PLEC: variants seen among roughly 807,000 people sequenced by gnomAD.
PLEC encodes hemidesmosomal protein 1.
In PLEC, 216 loss-of-function variants were observed where a neutral mutation model predicts 392.8. The ratio of observed to expected loss-of-function variants is 0.55; its 90% CI spans 0.49 to 0.62. The LOEUF is 0.62. Ranked by LOEUF, PLEC falls within the 20% of genes least tolerant of loss-of-function variation. The pLI is 0.00. For synonymous variants in PLEC, 3,621 were observed against 2,980.6 expected, an observed-to-expected ratio of 1.21 and a Z score of -7.00; for missense variants, 6,863 against 6,563.4, an observed-to-expected ratio of 1.05 and a Z score of -1.58.
At chr8:143,975,127 G>T (rs1554745578), upstream of PLEC, 1 of 1,579,244 alleles carries the variant, frequency 6.3e-7, no homozygotes, top group Admixed American at 1.7e-5. The surrounding 1 kb of genome is among the most constrained non-coding windows in gnomAD (Gnocchi z 9.9). Context: ...CGGGAACTCA[G>T]TCAACCTCGC....
intron 12 of PLEC, 105 bp from the exon 13 acceptor site, chr8:143,933,456 G>A: frequency 1.5e-6 from 2 of 1,339,780 alleles, no homozygotes; most frequent in Non-Finnish European, 2.1e-6. Flanking sequence ...GCCTCAGTGG[G>A]CCACTGCCTC....
upstream of PLEC, among the ~76,000 whole-genome samples, chr8:143,957,711 C>T (rs1279812094): frequency 1.3e-5 from 2 of 152,222 alleles, no homozygotes; most frequent in African/African-American, 2.4e-5. Context: ...GTCCCCCACA[C>T]CACACCTGCG....
rs1554669459 is a variant in PLEC, at chr8:143,916,522, C to T, written c.13299G>A (p.Lys4433=). The T allele has an allele frequency of 1.9e-6, 3 of 1,611,814 alleles. No individual in the cohort carries two copies. ...QKLRDVGAYS[K]YLTCPKTKLK... is the part of the protein sequence containing the mutation. ...GCTTGGTCTTAGGGCAGGTGAGGTA[C>T]TTGGAGTAGGCGCCCACGTCACGCA... Residue 4433 remains lysine, a synonymous_variant, in exon 32 of 32, where the codon AAG becomes AAA. Coordinates refer to ENST00000345136, the MANE Select transcript of PLEC (RefSeq NM_201384.3).
At chr8:143,945,189 A>G in intron 1 of PLEC, 1 of 479,008 alleles carries the variant, frequency 2.1e-6, no homozygotes, top group Non-Finnish European at 4.2e-6. Context: ...GGTGGCCGGG[A>G]CAGCCACCCC....
At chr8:143,945,168 C>T (rs782237950) in intron 1 of PLEC, 3 of 460,038 alleles carry the variant, frequency 6.5e-6, no homozygotes, top group African/African-American at 4.1e-5. Flanking sequence ...AACACAGCAC[C>T]TGGCCCCACC....
upstream of PLEC, among the ~76,000 whole-genome samples, chr8:143,974,306 G>A (rs1162914017): frequency 6.6e-6 from 1 of 152,246 alleles, no homozygotes; most frequent in Non-Finnish European, 1.5e-5. The surrounding 1 kb of genome is among the most constrained non-coding windows in gnomAD (Gnocchi z 5.9). Context: ...CTCCACAACT[G>A]TAAAGGTGAT....
At position 143,930,506 on chromosome 8, in the gene PLEC, C is replaced by G. The variant is rs1554714049; in HGVS notation, c.2335G>C (p.Gly779Arg). ...DEKEQLNEYK[G>R]HLSGLAKRAK... is the part of the protein sequence containing the mutation. Reference sequence around the variant, plus strand: ...CGCTTGGCCAGGCCTGAGAGGTGGCCCTTGTACTCGTTCAGCTGTTCCTTC... The same window carrying G: ...CGCTTGGCCAGGCCTGAGAGGTGGCGCTTGTACTCGTTCAGCTGTTCCTTC... Residue 779 changes from glycine to arginine, a missense_variant, in exon 20 of 32, where the codon GGC becomes CGC. Transcript: ENST00000345136. 3 of 1,596,698 alleles carry G rather than the reference C, an allele frequency of 1.9e-6. No individual in the cohort carries two copies. Among genetic ancestry groups the G allele is most frequent in the Non-Finnish European group, 2.6e-6 (3 of 1,172,124 alleles).
In PLEC at chr8:143,922,739, G is replaced by A; in HGVS notation, c.7190C>T (p.Ala2397Val). Residue 2397 changes from alanine to valine, a missense_variant, in exon 31 of 32, where the codon GCC becomes GTC. Ala to Val is a moderately conservative substitution (Grantham distance 64). Transcript: ENST00000345136. ...LRVAEMSRAQ[A>V]RAEEDAQRFR... ...GCGCTGGGCGTCCTCCTCAGCGCGG[G>A]CCTGGGCTCGGCTCATCTCGGCCAC... 6.2e-7 allele frequency: 1 copy of A among 1,610,532 alleles called. No individual in the cohort carries two copies. The highest frequency in any genetic ancestry group is 2.2e-5 in the East Asian group (1 of 44,784).
In PLEC at chr8:143,934,382, CCTT is replaced by C. The variant is rs782613887; in HGVS notation, c.1102_1104del (p.Lys368del). The C allele has an allele frequency of 1.2e-5, 19 of 1,612,488 alleles. No individual in the cohort carries two copies. The highest frequency in any genetic ancestry group is 1.4e-5 in the Non-Finnish European group (17 of 1,179,940). ...ATGGCCACGTGCAGCTTGCCCCACT[CCTT>C]CTCCACATCCAGCGGGTGGTAGCCA... On this transcript the variant is annotated inframe_deletion, in exon 11 of 32. Transcript: ENST00000345136.
chr8:143,939,001 C>G (rs1033925750), intron 1 of PLEC, among the ~76,000 whole-genome samples: 1 of 152,050 alleles, frequency 6.6e-6, no homozygotes, highest in Admixed American at 6.5e-5. Flanking sequence ...TGCAGTCCCC[C>G]CCGGCCTCTA....
Position 143,929,205 on chromosome 8 carries a change from A to G in PLEC, c.3158T>C (p.Leu1053Pro). ...LSAEAEKVLALPEPSPAAPTL... is the reference protein window; with the variant it reads ...LSAEAEKVLAPPEPSPAAPTL... ...GGGGGCCGCAGGCGATGGCTCTGGTAGGGCCAAGACCTTCTCGGCCTCGGC... is the reference window on the plus strand; with the variant it reads ...GGGGGCCGCAGGCGATGGCTCTGGTGGGGCCAAGACCTTCTCGGCCTCGGC... Residue 1053 changes from leucine (L) to proline (P), a missense_variant, in exon 25 of 32, where the codon CTA (leucine) becomes CCA (proline). Coordinates refer to ENST00000345136, the MANE Select transcript of PLEC (RefSeq NM_201384.3). The G allele has an allele frequency of 6.2e-7, 1 of 1,602,876 alleles. No individual in the cohort carries two copies. Among genetic ancestry groups the G allele is most frequent in the Non-Finnish European group, 8.5e-7 (1 of 1,177,954 alleles).
Position 143,937,201 on chromosome 8 carries a change from A to T in PLEC, c.306T>A (p.Asn102Lys). ...KGRMRFHKLQ[N>K]VQIALDYLRH... ...GGAGGTAGTCCAGGGCAATCTGGAC[A>T]TTCTGCAGCTTGTGGAAACGCATCC... Residue 102 changes from asparagine (N) to lysine (K), a missense_variant, in exon 4 of 32, where the codon AAT (asparagine) becomes AAA (lysine). By Grantham distance (94) the Asn-to-Lys change is moderately conservative (BLOSUM62 0). Transcript: ENST00000345136. The T allele has an allele frequency of 6.2e-7, 1 of 1,612,776 alleles. No individual in the cohort carries two copies. Among genetic ancestry groups the T allele is most frequent in the Non-Finnish European group, 8.5e-7 (1 of 1,179,792 alleles).
In PLEC at chr8:143,931,615, C is replaced by T. The variant is rs3135106; in HGVS notation, c.2223G>A (p.Leu741=). 6.2e-7 allele frequency: 1 copy of T among 1,601,078 alleles called. No homozygotes were observed. Among genetic ancestry groups the T allele is most frequent in the Non-Finnish European group, 8.5e-7 (1 of 1,174,444 alleles). ...VREAEGQLQK[L]QEALRRKYSC... ...TGTATTTCCTACGCAGTGCCTCCTG[C>T]AGCTTCTGCAACTGCCCCTCGGCCT... The change falls in exon 19 of 32, where the codon CTG becomes CTA. Residue 741 remains leucine, a synonymous_variant. Coordinates refer to ENST00000345136, the MANE Select transcript of PLEC (RefSeq NM_201384.3).
Position 143,917,015 on chromosome 8 carries a change from G to A in PLEC, c.12806C>T (p.Ser4269Phe), listed in dbSNP as rs1554670624. Reference protein sequence around the residue: ...SPAVSRTQLASWSDPTEETGP... With the variant: ...SPAVSRTQLAFWSDPTEETGP... ...CGTCTCCTCAGTGGGGTCTGACCAGGAGGCCAGCTGGGTCCTGGAGACGGC... is the reference window on the plus strand; with the variant it reads ...CGTCTCCTCAGTGGGGTCTGACCAGAAGGCCAGCTGGGTCCTGGAGACGGC... Residue 4269 changes from serine to phenylalanine, a missense_variant, in exon 32 of 32, where the codon TCC (serine) becomes TTC (phenylalanine). Physicochemically the swap from Ser to Phe is radical, Grantham distance 155. Transcript: ENST00000345136. The A allele has an allele frequency of 6.2e-7, 1 of 1,612,482 alleles. No individual in the cohort carries two copies. Among genetic ancestry groups the A allele is most frequent in the Non-Finnish European group, 8.5e-7 (1 of 1,179,596 alleles).
intron 30 of PLEC, among the ~76,000 whole-genome samples, chr8:143,926,197 C>T (rs1825125513): frequency 6.6e-6 from 1 of 152,240 alleles, no homozygotes; most frequent in Non-Finnish European, 1.5e-5. Flanking sequence ...CTGCGAGCCA[C>T]ACCCAGCACA....
chr8:143,917,711 T>A lies in PLEC; in HGVS notation c.12110A>T (p.Asp4037Val). The change falls in exon 32 of 32, where the codon GAC (aspartate) becomes GTC (valine). Residue 4037 changes from aspartate to valine, a missense_variant. Asp to Val is a radical substitution (Grantham distance 152). Transcript: ENST00000345136. ...GGCCTCCAGCAGGCGGATGCCATGG[T>A]CCTTCAGGATCAGGCCCTTCTTCAT... ...QAMKKGLILK[D>V]HGIRLLEAQI... 1.2e-6 allele frequency: 2 copies of A among 1,613,616 alleles called. No individual in the cohort carries two copies. Among genetic ancestry groups the A allele is most frequent in the Non-Finnish European group, 1.7e-6 (2 of 1,180,012 alleles).
chr8:143,968,267 A>ATT (rs1833219093), intron 1 of PLEC, among the ~76,000 whole-genome samples: 1 of 152,172 alleles, frequency 6.6e-6, no homozygotes, highest in Non-Finnish European at 1.5e-5. Flanking sequence ...TGGAGTCATA[A>ATT]TAATTAAAAT....
Position 143,923,120 on chromosome 8 carries a change from G to T in PLEC, c.6809C>A (p.Ala2270Asp), listed in dbSNP as rs2131303432. ...DNTQRFLQEE[A>D]EKMKQVAEEA... The stretch of plus-strand genomic sequence containing the variant: ...CTCCGCCACCTGCTTCATCTTCTCA[G>T]CCTCCTCCTGCAGGAAGCGCTGCGT... The change falls in exon 31 of 32, where the codon GCT becomes GAT. Residue 2270 changes from alanine to aspartate, a missense_variant. Coordinates refer to ENST00000345136, the MANE Select transcript of PLEC (RefSeq NM_201384.3). The T allele has an allele frequency of 6.2e-7, 1 of 1,604,700 alleles. No individual in the cohort carries two copies. Among genetic ancestry groups the T allele is most frequent in the Non-Finnish European group, 8.5e-7 (1 of 1,179,870 alleles).
chr8:143,939,837 C>T (rs1237012245), upstream of PLEC, among the ~76,000 whole-genome samples: 1 of 152,224 alleles, frequency 6.6e-6, no homozygotes, highest in Admixed American at 6.5e-5. Flanking sequence ...TGGCACTTCA[C>T]TGCACACCAA....
Sources: allele counts gnomAD v4.1 joint callset (sites outside exome capture counted in the v4.1 genomes callset), GRCh38; gene constraint gnomAD v4.1.1; non-coding constraint Gnocchi (gnomAD v3.1); transcripts MANE v1.5; gene names NCBI Gene and HGNC (gene_info 2026-07-23, HGNC 2026-07-21).